Variants in TRAPPC9 observed in about 807,000 individuals in gnomAD.
The protein encoded by TRAPPC9 is trafficking protein particle complex subunit 9.
TRAPPC9 carries 83 observed loss-of-function variants against 124.0 expected under a neutral mutation model. The observed-to-expected ratio is 0.67, with a 90% CI of 0.56 to 0.80. The LOEUF (loss-of-function observed/expected upper bound fraction) is 0.80. TRAPPC9 is among the 30% of genes least tolerant of loss of function. TRAPPC9 has a pLI of 0.00. For synonymous variants in TRAPPC9, 638 were observed against 617.5 expected (o/e 1.03, Z -0.49); for missense variants, 1,302 against 1,508.3 (o/e 0.86, Z 2.27).
intron 19 of TRAPPC9, among the ~76,000 whole-genome samples, chr8:139,910,731 C>T (rs1422948462): frequency 6.6e-6 from 1 of 152,108 alleles, no homozygotes; most frequent in Non-Finnish European, 1.5e-5. Flanking sequence ...GTGCTGTCTG[C>T]CTCCTCCCCC....
At chr8:140,260,963 G>A (rs1241627550) in intron 15 of TRAPPC9, among the ~76,000 whole-genome samples, 1 of 152,228 alleles carries the variant, frequency 6.6e-6, no homozygotes, top group Non-Finnish European at 1.5e-5. Context: ...TAATGGCCAA[G>A]CACATGAGCT....
intron 20 of TRAPPC9, among the ~76,000 whole-genome samples, chr8:139,906,003 G>T (rs11166935): frequency 1.3e-5 from 2 of 151,822 alleles, no homozygotes; most frequent in African/African-American, 2.4e-5. Flanking sequence ...CTGAGGCAGG[G>T]GAATCTCTGG....
At chr8:140,272,075 G>T (rs900784260) in intron 15 of TRAPPC9, among the ~76,000 whole-genome samples, 7 of 106,292 alleles carry the variant, frequency 6.6e-5, no homozygotes, top group Non-Finnish European at 1.2e-4. Flanking sequence ...TGGTGATGAT[G>T]GTGGTGGTTG....
Position 139,730,951 on chromosome 8 carries a change from G to A in TRAPPC9, c.*110C>T. 5 of 1,217,650 alleles carry A rather than the reference G, an allele frequency of 4.1e-6. No homozygotes were observed. The highest frequency in any genetic ancestry group is 5.8e-6 in the Non-Finnish European group (5 of 868,654). 75.4% of individuals were successfully genotyped at this position (1,217,650 alleles called of 1,614,324 possible). A position where few individuals can be genotyped will look rare whatever the true frequency, so the allele number is the denominator to read the frequency against. On this transcript the variant is annotated 3_prime_UTR_variant, in exon 23 of 23. Coordinates refer to ENST00000438773, the MANE Select transcript of TRAPPC9 (RefSeq NM_001160372.4). ...GGAGAGGGCTGGGAGGGGTCTGGGGGAGGAGGAGGAGATGGGGCTGCAGTG... is the reference window on the plus strand; with the variant it reads ...GGAGAGGGCTGGGAGGGGTCTGGGGAAGGAGGAGGAGATGGGGCTGCAGTG...
intron 9 of TRAPPC9, among the ~76,000 whole-genome samples, chr8:140,314,140 G>A (rs1210754652): frequency 6.6e-6 from 1 of 152,126 alleles, no homozygotes; most frequent in Non-Finnish European, 1.5e-5. Context: ...ATCCTGGAAC[G>A]CAGACAACAC....
At chr8:139,811,605 G>A (rs917662080) in intron 21 of TRAPPC9, among the ~76,000 whole-genome samples, 6 of 152,202 alleles carry the variant, frequency 3.9e-5, no homozygotes, top group East Asian at 1.9e-4. Context: ...TCAGGAGCTC[G>A]GAATCTGGAT....
chr8:139,943,246 T>C (rs1480962660), intron 19 of TRAPPC9, among the ~76,000 whole-genome samples: 1 of 152,132 alleles, frequency 6.6e-6, no homozygotes, highest in Non-Finnish European at 1.5e-5. Context: ...TTTGTGTTTT[T>C]AGTAGAGCTG....
In TRAPPC9 at chr8:139,887,199, T is replaced by C. The variant is rs866573471; in HGVS notation, c.2965-1230A>G. ...TGGGGGCTCGGGAACCTCTACCCAC[T>C]CCTGTGTCCTATTTTAGCTTTTTTT... On this transcript the variant is annotated intron_variant, in intron 20 of 22. Transcript: ENST00000438773. Among the ~76,000 whole-genome samples, 367 of 146,364 alleles carry C rather than the reference T, an allele frequency of 2.5e-3. 1 individual carries two copies. The highest frequency in any genetic ancestry group is 8.9e-3 in the African/African-American group (351 of 39,572).
At chr8:140,023,891 G>A (rs779030833) in intron 18 of TRAPPC9, 46 bp downstream of exon 18, 18 of 1,613,414 alleles carry the variant, frequency 1.1e-5, no homozygotes, top group Non-Finnish European at 1.4e-5. Flanking sequence ...ACGTAGTGCT[G>A]TTGAGACTCT....
intron 16 of TRAPPC9, among the ~76,000 whole-genome samples, chr8:140,222,262 A>G (rs2063352481): frequency 6.6e-6 from 1 of 151,994 alleles, no homozygotes; most frequent in South Asian, 2.1e-4. Context: ...ACAAGACCCT[A>G]CTTAAACCTC....
intron 9 of TRAPPC9, among the ~76,000 whole-genome samples, chr8:140,359,349 G>C (rs574154149): frequency 1.3e-5 from 2 of 152,286 alleles, no homozygotes; most frequent in South Asian, 4.2e-4. Flanking sequence ...AGGCAGGTTT[G>C]GGGCAGCTGA....
intron 21 of TRAPPC9, among the ~76,000 whole-genome samples, chr8:139,756,080 T>A (rs76631146): frequency 2.3e-4 from 17 of 73,696 alleles, no homozygotes; most frequent in South Asian, 5.7e-4. Context: ...GGAGCCAGGG[T>A]TTGGGGATGA....
At chr8:139,920,180 T>C (rs1832420060) in intron 19 of TRAPPC9, among the ~76,000 whole-genome samples, 1 of 152,162 alleles carries the variant, frequency 6.6e-6, no homozygotes, top group Non-Finnish European at 1.5e-5. Context: ...ACCCCATCTC[T>C]ATTAAAAATA....
At chr8:139,773,902 C>T (rs1821160229) in intron 21 of TRAPPC9, among the ~76,000 whole-genome samples, 2 of 152,236 alleles carry the variant, frequency 1.3e-5, no homozygotes, top group African/African-American at 4.8e-5. Context: ...GTTTTCACGG[C>T]ACGCATGTTC....
At chr8:140,313,850 T>C (rs1228549070) in intron 9 of TRAPPC9, among the ~76,000 whole-genome samples, 5 of 151,908 alleles carry the variant, frequency 3.3e-5, no homozygotes, top group Non-Finnish European at 5.9e-5. Context: ...GGAATGGGGG[T>C]TGCTTCTTGG....
chr8:140,269,929 T>A (rs990423007), intron 15 of TRAPPC9, among the ~76,000 whole-genome samples: 4 of 151,976 alleles, frequency 2.6e-5, no homozygotes, highest in Non-Finnish European at 5.9e-5. Context: ...TGAAAGTACA[T>A]CTCTACTAAA....
intron 19 of TRAPPC9, among the ~76,000 whole-genome samples, chr8:139,945,867 T>TGATG (rs1161267778): frequency 6.6e-6 from 1 of 152,242 alleles, no homozygotes; most frequent in East Asian, 1.9e-4. Flanking sequence ...GAACGAAATA[T>TGATG]GATGGACTAA....
chr8:139,976,624 T>C (rs1836492332), intron 19 of TRAPPC9, among the ~76,000 whole-genome samples: 1 of 152,210 alleles, frequency 6.6e-6, no homozygotes, highest in Non-Finnish European at 1.5e-5. Context: ...CCACAAGGGA[T>C]CTGCGCACGG....
intron 17 of TRAPPC9, among the ~76,000 whole-genome samples, chr8:140,114,183 C>T (rs1418334104): frequency 6.6e-6 from 1 of 152,122 alleles, no homozygotes; most frequent in East Asian, 1.9e-4. Flanking sequence ...AATCCCCTCA[C>T]CTAAACTAAC....
Sources: gnomAD v4.1 joint callset for allele counts (sites outside exome capture counted in the v4.1 genomes callset) on GRCh38, gnomAD v4.1.1 for gene constraint, MANE v1.5 for transcripts, NCBI Gene and HGNC (gene_info 2026-07-23, HGNC 2026-07-21) for gene names.